The following SH3RF3 variants were observed in gnomAD, a reference collection of about 807,000 sequenced individuals.
SH3RF3 encodes the protein SH3 domain containing ring finger 3.
Under a neutral mutation model 66.3 loss-of-function variants are expected in SH3RF3, and 29 were observed. That is an observed-to-expected ratio of 0.44 (90% CI 0.33 to 0.60). SH3RF3 has a LOEUF of 0.60. Among genes scored for constraint, SH3RF3 ranks in the 20% least tolerant of loss-of-function variants. The pLI, the probability that SH3RF3 is intolerant of heterozygous loss-of-function variation, is 0.04. For synonymous variants in SH3RF3, 583 were observed against 532.0 expected, an observed-to-expected ratio of 1.10 and a Z score of -1.32; for missense variants, 1,194 against 1,190.9, an observed-to-expected ratio of 1.00 and a Z score of -0.04.
At chr2:109,272,524 G>C (rs937645210) in intron 1 of SH3RF3, among the ~76,000 whole-genome samples, 1 of 152,212 alleles carries the variant, frequency 6.6e-6, no homozygotes, top group African/African-American at 2.4e-5. Flanking sequence ...CACAGGGGCC[G>C]AGTAGGGTGT....
intron 2 of SH3RF3, among the ~76,000 whole-genome samples, chr2:109,361,352 T>C (rs1171076256): frequency 6.6e-6 from 1 of 152,254 alleles, no homozygotes; most frequent in Admixed American, 6.5e-5. Context: ...GGAAATATTC[T>C]TTCTGCGAAG....
intron 1 of SH3RF3, among the ~76,000 whole-genome samples, chr2:109,226,330 G>T (rs1448469143): frequency 6.6e-6 from 1 of 152,118 alleles, no homozygotes; most frequent in Non-Finnish European, 1.5e-5. Context: ...CCTGCCAACT[G>T]TTTCAAAGCT....
At chr2:109,336,449 C>T (rs1574580988) in intron 1 of SH3RF3, among the ~76,000 whole-genome samples, 1 of 152,206 alleles carries the variant, frequency 6.6e-6, no homozygotes, top group African/African-American at 2.4e-5. Context: ...ATAAGTTTCT[C>T]CCTTGGGTAC....
intron 1 of SH3RF3, among the ~76,000 whole-genome samples, chr2:109,152,889 G>T (rs886557681): frequency 1.3e-5 from 2 of 152,152 alleles, no homozygotes; most frequent in South Asian, 4.2e-4. Context: ...CTTGCTCCTT[G>T]TTCTCGATGG....
chr2:109,459,817 C>G (rs1678164640), intron 8 of SH3RF3, among the ~76,000 whole-genome samples: 1 of 152,186 alleles, frequency 6.6e-6, no homozygotes, highest in Non-Finnish European at 1.5e-5. Flanking sequence ...GAACAAGAAG[C>G]AGACATTTTG....
chr2:109,495,849 A>G (rs1023780725), intron 9 of SH3RF3, among the ~76,000 whole-genome samples: 2 of 152,180 alleles, frequency 1.3e-5, no homozygotes, highest in Admixed American at 6.5e-5. Context: ...ATAATAATAC[A>G]TGTCTGGGTA....
intron 5 of SH3RF3, among the ~76,000 whole-genome samples, chr2:109,426,853 C>T (rs1293434468): frequency 6.6e-6 from 1 of 152,096 alleles, no homozygotes; most frequent in African/African-American, 2.4e-5. Flanking sequence ...CTTTAGCCAC[C>T]ACCACCCTGA....
At chr2:109,488,116 C>A (rs1167862534) in intron 8 of SH3RF3, among the ~76,000 whole-genome samples, 1 of 152,204 alleles carries the variant, frequency 6.6e-6, no homozygotes, top group Non-Finnish European at 1.5e-5. Flanking sequence ...GCAGAGTGGG[C>A]TCCGCCGGGA....
At chr2:109,486,240 A>AT (rs1418799142) in intron 8 of SH3RF3, among the ~76,000 whole-genome samples, 1 of 152,212 alleles carries the variant, frequency 6.6e-6, no homozygotes, top group Non-Finnish European at 1.5e-5. Context: ...CTGTATCAGA[A>AT]TCATTTTTTG....
chr2:109,208,813 A>G (rs554638958), intron 1 of SH3RF3, among the ~76,000 whole-genome samples: 1 of 152,358 alleles, frequency 6.6e-6, no homozygotes, highest in Admixed American at 6.5e-5. Context: ...TGTCTCAAGC[A>G]TGAGATACTT....
chr2:109,228,243 C>T (rs1385610491), intron 1 of SH3RF3, among the ~76,000 whole-genome samples: 1 of 152,150 alleles, frequency 6.6e-6, no homozygotes, highest in Non-Finnish European at 1.5e-5. Context: ...TGCTTGGTGG[C>T]AGGTGTTAGC....
intron 7 of SH3RF3, among the ~76,000 whole-genome samples, chr2:109,447,264 G>A (rs73953114): frequency 0.061 from 9,277 of 151,090 alleles, 884 homozygotes; most frequent in African/African-American, 0.2. Flanking sequence ...CCTAAGTCCC[G>A]GAGAATCTGG....
intron 1 of SH3RF3, among the ~76,000 whole-genome samples, chr2:109,301,219 G>A (rs983395792): frequency 6.6e-6 from 1 of 152,130 alleles, no homozygotes; most frequent in African/African-American, 2.4e-5. Flanking sequence ...TGATGTCAGG[G>A]GTTTGCTGAT....
intron 1 of SH3RF3, among the ~76,000 whole-genome samples, chr2:109,175,549 A>G (rs2104963454): frequency 6.6e-6 from 1 of 152,314 alleles, no homozygotes; most frequent in South Asian, 2.1e-4. Context: ...CCTGAATGAG[A>G]CCAGCACTGT....
intron 7 of SH3RF3, among the ~76,000 whole-genome samples, chr2:109,448,234 GT>G (rs537067290): frequency 6.6e-6 from 1 of 152,178 alleles, no homozygotes; most frequent in Non-Finnish European, 1.5e-5. Context: ...CAGGCTTTAT[GT>G]TTATGAGCAT....
intron 3 of SH3RF3, among the ~76,000 whole-genome samples, chr2:109,376,887 A>G (rs1683400635): frequency 6.6e-6 from 1 of 152,230 alleles, no homozygotes; most frequent in African/African-American, 2.4e-5. Context: ...CTAAGTTTCC[A>G]TGGTGAACAG....
chr2:109,142,421 C>A (rs1410866783), intron 1 of SH3RF3, among the ~76,000 whole-genome samples: 2 of 152,228 alleles, frequency 1.3e-5, no homozygotes, highest in East Asian at 3.8e-4. Flanking sequence ...AACTTGGAAT[C>A]AAATATGTGT....
intron 8 of SH3RF3, among the ~76,000 whole-genome samples, chr2:109,467,140 C>T (rs1678373761): frequency 6.6e-6 from 1 of 152,220 alleles, no homozygotes; most frequent in South Asian, 2.1e-4. Context: ...CCATTCCACT[C>T]CTAGGAGAAG....
At chr2:109,493,449 A>C (rs898413637) in intron 9 of SH3RF3, among the ~76,000 whole-genome samples, 6 of 151,552 alleles carry the variant, frequency 4.0e-5, no homozygotes, top group Non-Finnish European at 5.9e-5. Flanking sequence ...ATGTGCAAAC[A>C]CACTCCACAT....
Sources: allele counts gnomAD v4.1 joint callset (sites outside exome capture counted in the v4.1 genomes callset), GRCh38; gene constraint gnomAD v4.1.1; transcripts MANE v1.5; gene names NCBI Gene and HGNC (gene_info 2026-07-23, HGNC 2026-07-21).